Variants in PRKN observed in about 807,000 individuals in gnomAD.
PRKN encodes E3 ubiquitin-protein ligase parkin.
In PRKN, 56 loss-of-function variants were observed where a neutral mutation model predicts 59.5. The ratio of observed to expected loss-of-function variants is 0.94; its 90% confidence interval spans 0.76 to 1.18. The LOEUF is 1.18. Among genes scored for constraint, PRKN ranks in the 50% most tolerant of loss-of-function variants. The pLI is 0.00. For missense variants in PRKN, 657 were observed against 596.4 expected, an observed-to-expected ratio of 1.10 and a Z score of -1.06; for synonymous variants, 250 against 222.1, an observed-to-expected ratio of 1.13 and a Z score of -1.12.
intron 9 of PRKN, among the ~76,000 whole-genome samples, chr6:161,532,176 A>C (rs749871460): frequency 0.2 from 25,920 of 129,734 alleles, 2,393 homozygotes; most frequent in Non-Finnish European, 0.24. Context: ...CTATATATAT[A>C]TATATATATA....
chr6:162,727,009 AAAAG>A (rs1473136013), intron 1 of PRKN: 1 of 151,956 alleles, frequency 6.6e-6, no homozygotes, highest in Non-Finnish European at 1.5e-5. Context: ...ACAAAAAAAA[AAAAG>A]AAAGGTTATT....
chr6:162,455,176 T>C (rs1274020363), intron 1 of PRKN, among the ~76,000 whole-genome samples: 1 of 152,078 alleles, frequency 6.6e-6, no homozygotes, highest in Non-Finnish European at 1.5e-5. Flanking sequence ...GACGGTATCT[T>C]ATATCACCCA....
chr6:161,355,998 C>T lies in PRKN; in HGVS notation c.1285+4090G>A, dbSNP rs1157888207. Among the ~76,000 whole-genome samples the T allele has an allele frequency of 6.6e-6, 1 of 152,188 alleles. No homozygotes were observed. Among genetic ancestry groups the T allele is most frequent in the Non-Finnish European group, 1.5e-5 (1 of 68,034 alleles). ...CCCAGCTCGGGCACAGCCTAAGAGG[C>T]CTGAGCTGACGTCCAGGAGCTCTGG... On this transcript the variant is annotated intron_variant, in intron 11 of 11. Transcript: ENST00000366898. The surrounding 1 kb of genome is among the most constrained non-coding windows in gnomAD (Gnocchi z 6.8).
chr6:162,209,649 C>G (rs1038363897), intron 3 of PRKN, among the ~76,000 whole-genome samples: 3 of 152,178 alleles, frequency 2.0e-5, no homozygotes, highest in African/African-American at 7.2e-5. Context: ...AATAAAGACA[C>G]ACGCACATGT....
intron 5 of PRKN, among the ~76,000 whole-genome samples, chr6:162,052,004 T>G (rs907780373): frequency 6.6e-6 from 1 of 151,742 alleles, no homozygotes; most frequent in Admixed American, 6.6e-5. Flanking sequence ...CTAGAACAAA[T>G]CCCCCAAAGA....
chr6:162,094,272 A>G (rs1200207211), intron 4 of PRKN, among the ~76,000 whole-genome samples: 1 of 152,050 alleles, frequency 6.6e-6, no homozygotes, highest in Admixed American at 6.6e-5. Flanking sequence ...GGAGGACTGC[A>G]TGAGCCCAGG....
chr6:161,916,261 C>A (rs1778553600), intron 6 of PRKN, among the ~76,000 whole-genome samples: 1 of 152,054 alleles, frequency 6.6e-6, no homozygotes, highest in African/African-American at 2.4e-5. Flanking sequence ...GAGAGAAAAT[C>A]TCATGAGAAA....
chr6:161,727,272 G>C (rs1457589692), intron 7 of PRKN, among the ~76,000 whole-genome samples: 6 of 152,142 alleles, frequency 3.9e-5, no homozygotes, highest in African/African-American at 1.4e-4. Context: ...AAATGCATTA[G>C]TTCCCGCTGT....
chr6:162,624,928 TA>T (rs1357751144), intron 1 of PRKN, among the ~76,000 whole-genome samples: 9 of 152,164 alleles, frequency 5.9e-5, no homozygotes, highest in African/African-American at 2.2e-4. Context: ...GAAATAAAAT[TA>T]AATACCTAAG....
At position 161,785,765 on chromosome 6, in the gene PRKN, G is replaced by A. The variant is rs376795469; in HGVS notation, c.871+7C>T. On this transcript the variant is annotated splice_region_variant and intron_variant, in intron 7 of 11. Coordinates refer to ENST00000366898, the MANE Select transcript of PRKN (RefSeq NM_004562.3). ...TTAGAGATGGAGAGAAAACATGCTA[G>A]ACTTACCCACACAAGGCAGGGAGTA... 6 of 1,613,538 alleles carry A rather than the reference G, an allele frequency of 3.7e-6. No individual in the cohort carries two copies. In the African/African-American group the frequency reaches 6.7e-5, roughly 18 times the overall value.
chr6:162,723,651 G>A (rs9347682), intron 1 of PRKN, among the ~76,000 whole-genome samples: 66,314 of 152,086 alleles, frequency 0.44, 14,861 homozygotes, highest in East Asian at 0.66. Context: ...GAAAAATTTT[G>A]AAATACCTAG....
chr6:161,511,974 C>T (rs1011196270), intron 9 of PRKN, among the ~76,000 whole-genome samples: 1 of 152,196 alleles, frequency 6.6e-6, no homozygotes, highest in Non-Finnish European at 1.5e-5. Context: ...CTCAGGCCCA[C>T]GTTTCCCCCT....
intron 2 of PRKN, among the ~76,000 whole-genome samples, chr6:162,348,889 A>G (rs1784511016): frequency 1.3e-5 from 2 of 152,184 alleles, no homozygotes; most frequent in South Asian, 4.1e-4. Context: ...GCAGAGAGAG[A>G]AGACATAAAT....
In PRKN at chr6:161,681,740, C is replaced by T. The variant is rs538776506; in HGVS notation, c.871+104032G>A. Among the ~76,000 whole-genome samples the T allele has an allele frequency of 1.2e-3, 179 of 152,324 alleles. 2 individuals are homozygous for T. Among genetic ancestry groups the T allele is most frequent in the Middle Eastern group, 3.4e-3 (1 of 294 alleles). The stretch of plus-strand genomic sequence containing the variant: ...AGACAGTGCATGGCCGATGACACAG[C>T]TGTGGTCAGGACCTGCCGCTGCCCT... On this transcript the variant is annotated intron_variant, in intron 7 of 11. Transcript: ENST00000366898.
chr6:162,013,144 G>A (rs752870503), intron 5 of PRKN, among the ~76,000 whole-genome samples: 1 of 152,042 alleles, frequency 6.6e-6, no homozygotes, highest in African/African-American at 2.4e-5. Context: ...ATTTTACAGA[G>A]AGGAAGAGAC....
intron 7 of PRKN, among the ~76,000 whole-genome samples, chr6:161,586,003 T>A (rs370552307): frequency 2.0e-5 from 3 of 152,190 alleles, no homozygotes; most frequent in African/African-American, 7.2e-5. Flanking sequence ...CATGCAATTC[T>A]GTGCCTCAAT....
At chr6:161,895,907 G>C (rs1316728999) in intron 6 of PRKN, among the ~76,000 whole-genome samples, 1 of 152,140 alleles carries the variant, frequency 6.6e-6, no homozygotes, top group Non-Finnish European at 1.5e-5. Context: ...AGGAAAAATA[G>C]GAATTACCCA....
chr6:161,687,077 A>G (rs1050676620), intron 7 of PRKN, among the ~76,000 whole-genome samples: 3 of 152,098 alleles, frequency 2.0e-5, no homozygotes, highest in Non-Finnish European at 2.9e-5. Context: ...TGGAATGGAC[A>G]ATCCTCTTTT....
rs930297435 is a variant in PRKN at position 161,550,414 on chromosome 6, T to C, written c.934-1411A>G. ...CCTGGCTGCTATGTTCGGAATACCC[T>C]CTGGAGGGCCAGGGTGTAGGCAGGA... On this transcript the variant is annotated intron_variant, in intron 8 of 11. Coordinates refer to ENST00000366898, the MANE Select transcript of PRKN (RefSeq NM_004562.3). The surrounding 1 kb of genome is among the most constrained non-coding windows in gnomAD (Gnocchi z 4.0). 1.2e-4 allele frequency among the ~76,000 whole-genome samples: 19 copies of C among 152,172 alleles called. No individual in the cohort carries two copies. The highest frequency in any genetic ancestry group is 4.6e-4 in the African/African-American group (19 of 41,426).
Sources: gnomAD v4.1 joint callset for allele counts (sites outside exome capture counted in the v4.1 genomes callset) on GRCh38, gnomAD v4.1.1 for gene constraint, Gnocchi (gnomAD v3.1) non-coding constraint, MANE v1.5 for transcripts, NCBI Gene and HGNC (gene_info 2026-07-23, HGNC 2026-07-21) for gene names.